KIAA1217: variants seen among roughly 807,000 people sequenced by gnomAD.
KIAA1217 encodes KIAA1217.
A neutral mutation model predicts 163.9 loss-of-function variants in KIAA1217; 88 were observed. The ratio of observed to expected loss-of-function variants is 0.54; its 90% CI spans 0.45 to 0.64. The LOEUF is 0.64. Among genes scored for constraint, KIAA1217 ranks in the 30% least tolerant of loss-of-function variants. KIAA1217 has a pLI of 0.00. For synonymous variants in KIAA1217, 903 were observed against 923.1 expected (o/e 0.98, Z 0.39); for missense variants, 2,372 against 2,475.0 (o/e 0.96, Z 0.88).
intron 2 of KIAA1217, among the ~76,000 whole-genome samples, chr10:24,279,369 A>G (rs2132166167): frequency 6.6e-6 from 1 of 152,006 alleles, no homozygotes; most frequent in East Asian, 1.9e-4. Flanking sequence ...GTCTGTTGGC[A>G]TTGATGGCAT....
At chr10:23,715,203 T>C (rs536434390) in intron 1 of KIAA1217, among the ~76,000 whole-genome samples, 2 of 152,358 alleles carry the variant, frequency 1.3e-5, no homozygotes, top group South Asian at 4.1e-4. Flanking sequence ...GAGCTTCTCC[T>C]GGGCTGCCAT....
At chr10:24,399,138 T>A (rs1056233487) in intron 3 of KIAA1217, among the ~76,000 whole-genome samples, 1 of 152,184 alleles carries the variant, frequency 6.6e-6, no homozygotes, top group Non-Finnish European at 1.5e-5. Flanking sequence ...ACATAGCCAG[T>A]GAGATCATAT....
intron 1 of KIAA1217, among the ~76,000 whole-genome samples, chr10:23,757,500 C>G (rs1010545149): frequency 9.9e-5 from 15 of 151,930 alleles, no homozygotes; most frequent in African/African-American, 3.6e-4. Context: ...CAATGTTAAG[C>G]ATCTTTTCTT....
At chr10:24,175,658 A>G (rs1022301450) in intron 2 of KIAA1217, among the ~76,000 whole-genome samples, 4 of 152,138 alleles carry the variant, frequency 2.6e-5, no homozygotes, top group Non-Finnish European at 4.4e-5. Context: ...CAGTCCTTAA[A>G]GATGGTGTGT....
intron 1 of KIAA1217, among the ~76,000 whole-genome samples, chr10:24,001,452 A>C (rs528589603): frequency 6.6e-6 from 1 of 152,362 alleles, no homozygotes; most frequent in East Asian, 1.9e-4. Flanking sequence ...AAGTGACATA[A>C]GATATGCTAT....
chr10:24,285,791 G>A (rs1460481597), intron 2 of KIAA1217, among the ~76,000 whole-genome samples: 1 of 152,162 alleles, frequency 6.6e-6, no homozygotes, highest in East Asian at 1.9e-4. Context: ...GCTTTGGGCA[G>A]TATGGACATT....
At chr10:23,770,705 T>C (rs763835156) in intron 1 of KIAA1217, among the ~76,000 whole-genome samples, 67 of 152,238 alleles carry the variant, frequency 4.4e-4, no homozygotes, top group Non-Finnish European at 7.3e-5. Flanking sequence ...ATCTCTATGA[T>C]GCACGGATCT....
At chr10:24,156,095 A>G (rs1323480085) in intron 2 of KIAA1217, among the ~76,000 whole-genome samples, 2 of 152,186 alleles carry the variant, frequency 1.3e-5, no homozygotes, top group African/African-American at 2.4e-5. Context: ...CCACAATCAA[A>G]ATAATGACAA....
At chr10:24,525,084 TG>T (rs2071915550) in intron 13 of KIAA1217, among the ~76,000 whole-genome samples, 1 of 139,974 alleles carries the variant, frequency 7.1e-6, no homozygotes, top group Non-Finnish European at 1.5e-5. Context: ...GGCGGCGGGG[TG>T]GGGGGGCAGA....
intron 1 of KIAA1217, among the ~76,000 whole-genome samples, chr10:23,959,958 C>G (rs1278595007): frequency 6.7e-6 from 1 of 149,064 alleles, no homozygotes; most frequent in African/African-American, 2.5e-5. Flanking sequence ...CTCTGTTGCC[C>G]AGGCTGGAGC....
intron 1 of KIAA1217, among the ~76,000 whole-genome samples, chr10:23,750,062 T>G (rs778000101): frequency 2.0e-5 from 3 of 152,156 alleles, no homozygotes; most frequent in Non-Finnish European, 4.4e-5. Context: ...TGTTTTCTTC[T>G]CTCCAACTCC....
At chr10:23,890,247 T>C (rs1328939050) in intron 1 of KIAA1217, among the ~76,000 whole-genome samples, 1 of 151,736 alleles carries the variant, frequency 6.6e-6, no homozygotes, top group African/African-American at 2.4e-5. Context: ...ATCTTTGTTA[T>C]TTTCTTATTT....
chr10:23,836,649 G>C (rs1334079263), intron 1 of KIAA1217, among the ~76,000 whole-genome samples: 2 of 151,794 alleles, frequency 1.3e-5, no homozygotes, highest in African/African-American at 4.8e-5. Flanking sequence ...TTTAGGCCAG[G>C]CTCAGTTGCT....
intron 2 of KIAA1217, among the ~76,000 whole-genome samples, chr10:24,181,074 G>T (rs147257540): frequency 6.6e-6 from 1 of 152,176 alleles, no homozygotes. Context: ...TTGAGCACAC[G>T]TTAGGAGCTG....
intron 2 of KIAA1217, among the ~76,000 whole-genome samples, chr10:24,118,358 G>C (rs1207393017): frequency 3.9e-5 from 6 of 152,274 alleles, no homozygotes; most frequent in Non-Finnish European, 8.8e-5. Flanking sequence ...GTAGCGCAGA[G>C]ACAGCATATA....
At chr10:24,209,889 G>A (rs903499056) in intron 1 of KIAA1217, among the ~76,000 whole-genome samples, 14 of 152,158 alleles carry the variant, frequency 9.2e-5, no homozygotes, top group African/African-American at 3.4e-4. Context: ...CCCTTTAATT[G>A]TGTTTATAAT....
chr10:23,801,872 C>T (rs560143624), intron 1 of KIAA1217, among the ~76,000 whole-genome samples: 43 of 152,284 alleles, frequency 2.8e-4, no homozygotes, highest in African/African-American at 8.7e-4. Flanking sequence ...TTTTTGACAA[C>T]GTGATTAAAA....
chr10:24,095,691 T>G (rs1328656423), intron 2 of KIAA1217, among the ~76,000 whole-genome samples: 1 of 152,188 alleles, frequency 6.6e-6, no homozygotes, highest in Admixed American at 6.5e-5. Context: ...CTACCAAATA[T>G]GCCAGTACTC....
chr10:23,801,699 T>C (rs1836475850), intron 1 of KIAA1217, among the ~76,000 whole-genome samples: 1 of 152,156 alleles, frequency 6.6e-6, no homozygotes, highest in Non-Finnish European at 1.5e-5. Context: ...ACCCCAGGTG[T>C]AGATACTGTT....
Sources: gnomAD v4.1 joint callset for allele counts (sites outside exome capture counted in the v4.1 genomes callset) on GRCh38, gnomAD v4.1.1 for gene constraint, MANE v1.5 for transcripts, NCBI Gene and HGNC (gene_info 2026-07-23, HGNC 2026-07-21) for gene names.